The following LTBP4 variants were observed in gnomAD, a reference collection of about 807,000 sequenced individuals.
The protein encoded by LTBP4 is latent-transforming growth factor beta-binding protein 4.
LTBP4 carries 93 observed loss-of-function variants against 180.2 expected under a neutral mutation model. That is an observed-to-expected ratio of 0.52 (90% CI 0.44 to 0.61). LTBP4 has a LOEUF of 0.61. LTBP4 is among the 20% of genes least tolerant of loss of function. The probability of loss-of-function intolerance (pLI) is 0.00; values close to 1 mark genes in which losing one functional copy is unlikely to be tolerated. For synonymous variants in LTBP4, 947 were observed against 934.5 expected (o/e 1.01, Z -0.24); for missense variants, 2,116 against 2,256.5 (o/e 0.94, Z 1.26).
chr19:40,625,248 GTATTTATATA>G (rs2081615617), intron 26 of LTBP4, among the ~76,000 whole-genome samples: 3 of 58,728 alleles, frequency 5.1e-5, no homozygotes, highest in East Asian at 1.1e-3. Flanking sequence ...GCTAATTTTT[GTATTTATATA>G]TATATATATA....
intron 24 of LTBP4, among the ~76,000 whole-genome samples, 153 bp downstream of exon 24, chr19:40,623,174 CTT>C (rs11376199): frequency 1.4e-5 from 2 of 138,368 alleles, no homozygotes. Context: ...TCTTTTCTTT[CTT>C]TTTTTTTTTT....
At position 40,607,358 on chromosome 19, in the gene LTBP4, C is replaced by T; in HGVS notation, c.992-7C>T. On this transcript the variant is annotated splice_region_variant and splice_polypyrimidine_tract_variant and intron_variant, in intron 6 of 29. Coordinates refer to ENST00000396819, the MANE Select transcript of LTBP4 (RefSeq NM_001042545.2). ...GCCCTGAAGGATTTCCTCCCTGCTC[C>T]TCGCAGCCCAACACGTGATCTCAGA... is the stretch of plus-strand genomic sequence containing the variant. The T allele has an allele frequency of 6.2e-7, 1 of 1,610,792 alleles. No individual in the cohort carries two copies. The highest frequency in any genetic ancestry group is 8.5e-7 in the Non-Finnish European group (1 of 1,178,804).
chr19:40,611,180 C>A lies in LTBP4; in HGVS notation c.1839C>A (p.Gly613=). The change falls in exon 13 of 30, where the codon GGC becomes GGA. Residue 613 remains glycine, a synonymous_variant. Transcript: ENST00000396819. The surrounding 1 kb of genome is among the most constrained non-coding windows in gnomAD (Gnocchi z 4.4). Reference sequence around the variant, plus strand: ...TGGATGAATGCACCCAGAGCCCAGGCCTGTGTGGCCGAGGGGCCTGCAAGA... The same window carrying A: ...TGGATGAATGCACCCAGAGCCCAGGACTGTGTGGCCGAGGGGCCTGCAAGA... ...QDVDECTQSP[G]LCGRGACKNL... 9.3e-6 allele frequency: 15 copies of A among 1,613,610 alleles called. No individual in the cohort carries two copies. The highest frequency in any genetic ancestry group is 1.3e-5 in the Non-Finnish European group (15 of 1,179,780).
In LTBP4 at chr19:40,629,545, G is replaced by A. The variant is rs1237672317; in HGVS notation, c.4669G>A (p.Ala1557Thr). ...CCACTGTGCGCCCGCACGGCCCCGG[G>A]CCTGAGCCCTGGCACCCGCTGGCCG... Reference protein sequence around the residue: ...PHHCAPARPRA With the variant: ...PHHCAPARPRT The change falls in exon 30 of 30, where the codon GCC becomes ACC. Residue 1557 changes from alanine (A) to threonine (T), a missense_variant. Ala to Thr is a moderately conservative substitution (Grantham distance 58). This residue lies in a region of LTBP4 where 488 missense variants were observed against 458.8 expected (regional missense o/e 1.06). Coordinates refer to ENST00000396819, the MANE Select transcript of LTBP4 (RefSeq NM_001042545.2). This position sits in a 1 kb window ranked among gnomAD's most constrained non-coding sequence, Gnocchi z 4.5. 6.8e-7 allele frequency: 1 copy of A among 1,471,510 alleles called. No individual in the cohort carries two copies. The highest frequency in any genetic ancestry group is 1.4e-5 in the South Asian group (1 of 73,288). The allele number at this position is 1,471,510 out of a possible 1,614,324, so 91.2% of individuals were successfully genotyped here.
chr19:40,627,245 CTG>C lies in LTBP4; in HGVS notation c.4257_4258del (p.Glu1420GlyfsTer30). 6.3e-7 allele frequency: 1 copy of C among 1,590,736 alleles called. No homozygotes were observed. Among genetic ancestry groups the C allele is most frequent in the Non-Finnish European group, 8.5e-7 (1 of 1,171,196 alleles). On this transcript the variant is annotated frameshift_variant, in exon 28 of 30. Transcript: ENST00000396819. LOFTEE classifies it high-confidence loss of function. ...GACGATGGTGGCCCCTATGGCGAATCTGAGGCTCCTGCGCCACCTGGCCCGGG... is the reference window on the plus strand; with the variant it reads ...GACGATGGTGGCCCCTATGGCGAATCAGGCTCCTGCGCCACCTGGCCCGGG...
Position 40,611,153 on chromosome 19 carries a change from T to C in LTBP4, c.1812T>C (p.Asp604=), listed in dbSNP as rs1229335764. ...QAAPHGASCQ[D]VDECTQSPGL... ...CCCCGGGCCCCCTGCCCTGTGCAGA[T>C]GTGGATGAATGCACCCAGAGCCCAG... The change falls in exon 13 of 30, where the codon GAT becomes GAC. Residue 604 remains aspartate, a splice_region_variant and synonymous_variant. Transcript: ENST00000396819. The surrounding 1 kb of genome is among the most constrained non-coding windows in gnomAD (Gnocchi z 4.4). 6.2e-7 allele frequency: 1 copy of C among 1,610,734 alleles called. No homozygotes were observed. The highest frequency in any genetic ancestry group is 1.7e-5 in the Admixed American group (1 of 59,782).
chr19:40,603,959 G>A (rs935496348), intron 1 of LTBP4, among the ~76,000 whole-genome samples: 1 of 152,278 alleles, frequency 6.6e-6, no homozygotes, highest in Admixed American at 6.5e-5. Flanking sequence ...GGGGCCCAGC[G>A]AGGGCGCGCA....
chr19:40,595,406 C>T (rs1365482620), intron 1 of LTBP4, among the ~76,000 whole-genome samples: 1 of 152,108 alleles, frequency 6.6e-6, no homozygotes, highest in African/African-American at 2.4e-5. Context: ...AGCTCTGTCC[C>T]TCAGTGAACC....
Position 40,617,105 on chromosome 19 carries a change from GA to G in LTBP4, c.2951del (p.Asp984AlafsTer42), listed in dbSNP as rs755168192. 4 of 1,614,072 alleles carry G rather than the reference GA, an allele frequency of 2.5e-6. No individual in the cohort carries two copies. Among genetic ancestry groups the G allele is most frequent in the Non-Finnish European group, 3.4e-6 (4 of 1,179,910 alleles). On this transcript the variant is annotated frameshift_variant, in exon 21 of 30. Transcript: ENST00000396819. LOFTEE classifies it high-confidence loss of function. ...PTPGGGCQDVDECRNRSFCGA... is the reference protein window; with the variant it reads ...PTPGGGCQDVXECRNRSFCGA... ...TGACTGTCTGGTGGTTGCAGATGTG[GA>G]CGAATGCCGGAACCGGTCCTTCTGC... is the stretch of plus-strand genomic sequence containing the variant.
chr19:40,627,682 T>C lies in LTBP4; in HGVS notation c.4367-23T>C, dbSNP rs1443775217. ...GGGTGAAGGCAGGGACCTCAAGTCA[T>C]AGGGTCCCCGCATTTCCCACAGGTT... is the stretch of plus-strand genomic sequence containing the variant. On this transcript the variant is annotated intron_variant, in intron 28 of 29. Transcript: ENST00000396819. The C allele has an allele frequency of 3.2e-6, 5 of 1,571,630 alleles. No individual in the cohort carries two copies. The African/African-American group carries it at 6.8e-5, about 21-fold the overall frequency.
At chr19:40,614,211 C>G (rs1005737697) in intron 18 of LTBP4, 104 bp from the exon 19 acceptor site, 1 of 1,487,052 alleles carries the variant, frequency 6.7e-7, no homozygotes, top group Non-Finnish European at 9.1e-7. Context: ...CTGCCCTCTC[C>G]TCTGCTTCCC....
Position 40,622,610 on chromosome 19 carries a change from G to A in LTBP4, c.3427G>A (p.Val1143Met), listed in dbSNP as rs1247813913. 6.2e-7 allele frequency: 1 copy of A among 1,612,772 alleles called. No individual in the cohort carries two copies. The highest frequency in any genetic ancestry group is 1.1e-5 in the South Asian group (1 of 91,036). Residue 1143 changes from valine (V) to methionine (M), a missense_variant, in exon 23 of 30, where the codon GTG (valine) becomes ATG (methionine). This residue lies in a region of LTBP4 where 278 missense variants were observed against 373.0 expected (regional missense o/e 0.75). Coordinates refer to ENST00000396819, the MANE Select transcript of LTBP4 (RefSeq NM_001042545.2). The surrounding 1 kb of genome is among the most constrained non-coding windows in gnomAD (Gnocchi z 5.1). Reference sequence around the variant, plus strand: ...GACATGGCAGGAGTGCTGCTGTACTGTGGGTGAGGGCTGGGGCAGCGGCTG... The same window carrying A: ...GACATGGCAGGAGTGCTGCTGTACTATGGGTGAGGGCTGGGGCAGCGGCTG... ...NVTWQECCCT[V>M]GEGWGSGCRI...
At chr19:40,610,863 T>C (rs1467365153) in intron 12 of LTBP4, 9 of 811,222 alleles carry the variant, frequency 1.1e-5, no homozygotes, top group Middle Eastern at 6.4e-4. Flanking sequence ...GGCTGAGTCA[T>C]GAAAGATGGA....
At chr19:40,627,937 G>C in intron 29 of LTBP4, 80 bp downstream of exon 29, 2 of 1,485,592 alleles carry the variant, frequency 1.3e-6, no homozygotes, top group Non-Finnish European at 1.8e-6. Flanking sequence ...ACTAGGGGGT[G>C]CTGGTCAGGG....
chr19:40,603,051 C>T (rs138117299), intron 1 of LTBP4, among the ~76,000 whole-genome samples: 74 of 152,290 alleles, frequency 4.9e-4, no homozygotes, highest in African/African-American at 1.8e-3. Context: ...TTGCTCCAGG[C>T]CCTAGACCCG....
At position 40,627,034 on chromosome 19, in the gene LTBP4, G is replaced by T. The variant is rs1306010910; in HGVS notation, c.4045G>T (p.Gly1349Cys). 1 of 1,606,840 alleles carries T rather than the reference G, an allele frequency of 6.2e-7. No homozygotes were observed. The highest frequency in any genetic ancestry group is 1.7e-5 in the Admixed American group (1 of 59,424). ...RPPAYSPPRP[G>C]GFGLPYEYGP... Reference sequence around the variant, plus strand: ...CCCCGCATATAGCCCCCCGCGACCAGGTGGCTTTGGACTCCCCTACGAGTA... The same window carrying T: ...CCCCGCATATAGCCCCCCGCGACCATGTGGCTTTGGACTCCCCTACGAGTA... The change falls in exon 28 of 30, where the codon GGT becomes TGT. Residue 1349 changes from glycine (G) to cysteine (C), a missense_variant. Around this residue, in one of 5 missense-constraint regions of LTBP4, gnomAD observed 488 missense variants for 458.8 expected, o/e 1.06. Transcript: ENST00000396819.
Position 40,625,919 on chromosome 19 carries a change from C to G in LTBP4, c.3895C>G (p.Leu1299Val). The G allele has an allele frequency of 6.2e-7, 1 of 1,604,012 alleles. No individual in the cohort carries two copies. The highest frequency in any genetic ancestry group is 1.7e-4 in the Middle Eastern group (1 of 6,044). The change falls in exon 27 of 30, where the codon CTG (leucine) becomes GTG (valine). Residue 1299 changes from leucine to valine, a missense_variant. Leu to Val is a conservative substitution (Grantham distance 32). Around this residue, in one of 5 missense-constraint regions of LTBP4, gnomAD observed 488 missense variants for 458.8 expected, o/e 1.06. Transcript: ENST00000396819. The stretch of plus-strand genomic sequence containing the variant: ...TGACCTCGTGTGCAGCCACCCTCGG[C>G]TGGACCGTCAGGCCACCTACACAGA... ...GADLVCSHPRLDRQATYTECC... is the reference protein window; with the variant it reads ...GADLVCSHPRVDRQATYTECC...
At position 40,621,162 on chromosome 19, in the gene LTBP4, C is replaced by T. The variant is rs184224384; in HGVS notation, c.3218-1239C>T. Among the ~76,000 whole-genome samples the T allele has an allele frequency of 9.9e-5, 15 of 152,216 alleles. No homozygotes were observed. In the East Asian group the frequency reaches 2.3e-3, roughly 24 times the overall value. On this transcript the variant is annotated intron_variant, in intron 22 of 29. Transcript: ENST00000396819. ...TTCATCATATTGGTCAGGCTGGTCT[C>T]GAACTCCTGACCTCAGGTCATCCAC...
Position 40,621,726 on chromosome 19 carries a change from T to C in LTBP4, c.3218-675T>C, listed in dbSNP as rs572792878. On this transcript the variant is annotated intron_variant, in intron 22 of 29. Transcript: ENST00000396819. ...GCTGTGGATGTCTGGGTGGGGAAGCTGTGTCCAAGACAAGGCATAGGTTTT... is the reference window on the plus strand; with the variant it reads ...GCTGTGGATGTCTGGGTGGGGAAGCCGTGTCCAAGACAAGGCATAGGTTTT... Among the ~76,000 whole-genome samples the C allele has an allele frequency of 1.9e-4, 29 of 152,004 alleles. No homozygotes were observed. In the South Asian group the frequency reaches 6.0e-3, roughly 32 times the overall value.
Sources: gnomAD v4.1 joint callset for allele counts (sites outside exome capture counted in the v4.1 genomes callset) on GRCh38, gnomAD v4.1.1 for gene constraint, gnomAD v4.1.1 regional missense constraint, Gnocchi (gnomAD v3.1) non-coding constraint, MANE v1.5 for transcripts, NCBI Gene and HGNC (gene_info 2026-07-23, HGNC 2026-07-21) for gene names.